The following NOC3L variants were observed in gnomAD, a reference collection of about 807,000 sequenced individuals.
The protein encoded by NOC3L is NOC3 like DNA replication regulator, also known as nucleolar complex protein 3 homolog.
Under a neutral mutation model 102.5 loss-of-function variants are expected in NOC3L, and 85 were observed. That is an observed-to-expected ratio of 0.83 (90% CI 0.70 to 0.99). NOC3L has a LOEUF of 0.99. NOC3L is among the 50% of genes least tolerant of loss of function. The pLI is 0.00. For synonymous variants in NOC3L, 303 were observed against 309.4 expected, an observed-to-expected ratio of 0.98 and a Z score of 0.22; for missense variants, 878 against 914.9, an observed-to-expected ratio of 0.96 and a Z score of 0.52.
chr10:94,332,982 T>C (rs921478414), downstream of NOC3L, among the ~76,000 whole-genome samples: 1 of 152,198 alleles, frequency 6.6e-6, no homozygotes, highest in African/African-American at 2.4e-5. Flanking sequence ...CCTTAAAAAA[T>C]GTGACCTCAG....
At position 94,340,268 on chromosome 10, in the gene NOC3L, A is replaced by G. The variant is rs200233741; in HGVS notation, c.1780+8T>C. On this transcript the variant is annotated splice_region_variant and intron_variant, in intron 16 of 20. Transcript: ENST00000371361. ...CATATAAAAGAAACATTATCTAAAC[A>G]TACATACCTGCATGTAATTTGAACA... The G allele has an allele frequency of 1.1e-4, 181 of 1,596,928 alleles. No homozygotes were observed. Among genetic ancestry groups the G allele is most frequent in the Non-Finnish European group, 1.5e-4 (172 of 1,166,636 alleles).
At chr10:94,354,040 T>G (rs1174095115) in intron 6 of NOC3L, among the ~76,000 whole-genome samples, 1 of 152,160 alleles carries the variant, frequency 6.6e-6, no homozygotes, top group Non-Finnish European at 1.5e-5. Context: ...TTTCCAGCTG[T>G]AAAATTAGAT....
intron 19 of NOC3L, among the ~76,000 whole-genome samples, chr10:94,337,496 CACTATGCCATTCT>C (rs1204080694): frequency 6.6e-6 from 1 of 152,108 alleles, no homozygotes; most frequent in African/African-American, 2.4e-5. Context: ...TATGGACATT[CACTATGCCATTCT>C]ACTATCCTGT....
the NOC3L span, among the ~76,000 whole-genome samples, chr10:94,320,161 G>A: frequency 6.6e-6 from 1 of 151,860 alleles, no homozygotes; most frequent in African/African-American, 2.4e-5. Context: ...AATATATGAT[G>A]ATCAGTGCAA....
At chr10:94,356,724 T>G in intron 4 of NOC3L, 133 bp from the exon 5 acceptor site, 1 of 636,710 alleles carries the variant, frequency 1.6e-6, no homozygotes, top group South Asian at 2.0e-5. Flanking sequence ...AATTAGTGAT[T>G]GAGGTGAGCA....
At chr10:94,316,134 A>C in the NOC3L span, among the ~76,000 whole-genome samples, 127 of 152,314 alleles carry the variant, frequency 8.3e-4, no homozygotes, top group Non-Finnish European at 1.4e-3. Context: ...CTAGCCCTAC[A>C]AACCTTCCAT....
At chr10:94,322,135 G>A in the NOC3L span, 1 of 1,373,068 alleles carries the variant, frequency 7.3e-7, no homozygotes, top group Non-Finnish European at 1.0e-6. Context: ...TGCACTGATG[G>A]CTCATTTTAT....
Position 94,357,332 on chromosome 10 carries a change from CTGCAGGGG to C in NOC3L, c.351-9_351-2del. On this transcript the variant is annotated splice_acceptor_variant and splice_polypyrimidine_tract_variant and intron_variant, in intron 3 of 20. Coordinates refer to ENST00000371361, the MANE Select transcript of NOC3L (RefSeq NM_022451.11). LOFTEE classifies it high-confidence loss of function. ...CCGTTTCTTCGCATGAACAGGCTCA[CTGCAGGGG>C]AAAAAAAGATCAATTTTCAGTCTTA... 6.4e-7 allele frequency: 1 copy of C among 1,568,514 alleles called. No homozygotes were observed. The highest frequency in any genetic ancestry group is 8.6e-7 in the Non-Finnish European group (1 of 1,160,502).
At chr10:94,324,777 C>T in the NOC3L span, 1 of 1,122,470 alleles carries the variant, frequency 8.9e-7, no homozygotes, top group Non-Finnish European at 1.3e-6. Context: ...GCTCCTCAGC[C>T]CTACTCTCTC....
rs559843588 is a variant in NOC3L at position 94,360,320 on chromosome 10, AAAT to A, written c.217+1342_217+1344del. On this transcript the variant is annotated intron_variant, in intron 2 of 20. Coordinates refer to ENST00000371361, the MANE Select transcript of NOC3L (RefSeq NM_022451.11). The stretch of plus-strand genomic sequence containing the variant: ...ACAGAGAGAGACTCCATCTCAAAAA[AAAT>A]AATAATAATAATAATAAAAGAAAAT... 3.0e-4 allele frequency among the ~76,000 whole-genome samples: 45 copies of A among 152,096 alleles called. 1 individual carries two copies. In the South Asian group the frequency reaches 3.5e-3, roughly 12 times the overall value.
At chr10:94,349,143 G>C (rs2054383813) in intron 10 of NOC3L, 107 bp downstream of exon 10, 1 of 1,235,688 alleles carries the variant, frequency 8.1e-7, no homozygotes, top group Non-Finnish European at 1.1e-6. Context: ...TAAGGAGCTT[G>C]AATACTTTTT....
At position 94,349,320 on chromosome 10, in the gene NOC3L, T is replaced by C. The variant is rs1205844661; in HGVS notation, c.1187A>G (p.Gln396Arg). ...KKLFKQDKLG[Q>R]ASLGVIKVIS... ...CACTTTAATTACACCAAGAGAAGCTTGGCCTAATTTATCTTGCTTAAAGAG... is the reference window on the plus strand; with the variant it reads ...CACTTTAATTACACCAAGAGAAGCTCGGCCTAATTTATCTTGCTTAAAGAG... The change falls in exon 10 of 21, where the codon CAA becomes CGA. Residue 396 changes from glutamine to arginine, a missense_variant. By Grantham distance (43) the Gln-to-Arg change is conservative. Transcript: ENST00000371361. The C allele has an allele frequency of 1.3e-6, 2 of 1,576,512 alleles. No individual in the cohort carries two copies. Among genetic ancestry groups the C allele is most frequent in the Non-Finnish European group, 8.6e-7 (1 of 1,168,440 alleles).
Position 94,361,770 on chromosome 10 carries a change from T to C in NOC3L, c.112A>G (p.Thr38Ala). Reference sequence around the variant, plus strand: ...TGTTCTTTTCGGTACTTCTTGAGAGTGCTTTGTTGTTTAAACTGCTTATTT... The same window carrying C: ...TGTTCTTTTCGGTACTTCTTGAGAGCGCTTTGTTGTTTAAACTGCTTATTT... Reference protein sequence around the residue: ...LKNKQFKQQSTLKKYRKEQRK... With the variant: ...LKNKQFKQQSALKKYRKEQRK... The change falls in exon 2 of 21, where the codon ACT becomes GCT. Residue 38 changes from threonine (T) to alanine (A), a missense_variant. Transcript: ENST00000371361. 1 of 1,614,026 alleles carries C rather than the reference T, an allele frequency of 6.2e-7. No individual in the cohort carries two copies. The highest frequency in any genetic ancestry group is 1.1e-5 in the South Asian group (1 of 91,080).
Position 94,333,853 on chromosome 10 carries a change from A to T in NOC3L, c.*324T>A, listed in dbSNP as rs2054186791. 5.9e-6 allele frequency: 1 copy of T among 170,718 alleles called. No individual in the cohort carries two copies. The highest frequency in any genetic ancestry group is 1.2e-5 in the Non-Finnish European group (1 of 80,948). The allele number at this position is 170,718 out of a possible 1,614,324, so 10.6% of individuals were successfully genotyped here. ...GTGCTCTATGCCCTAATTTTAATAT[A>T]GCAACTGCACTTCAGTAAGATCCAG... On this transcript the variant is annotated 3_prime_UTR_variant, in exon 21 of 21. Coordinates refer to ENST00000371361, the MANE Select transcript of NOC3L (RefSeq NM_022451.11).
the NOC3L span, chr10:94,324,443 AC>A: frequency 1.2e-6 from 2 of 1,614,170 alleles, no homozygotes; most frequent in Non-Finnish European, 1.7e-6. Context: ...GACACTACCA[AC>A]AAGAAGACTA....
In NOC3L at chr10:94,339,936, T is replaced by G. The variant is rs773057504; in HGVS notation, c.1781-16A>C. On this transcript the variant is annotated splice_polypyrimidine_tract_variant and intron_variant, in intron 16 of 20. Transcript: ENST00000371361. ...TTGGTAGCACCTAAAACAGCAGACATATTCTTCAGAGCTGTTCTCATTACT... is the reference window on the plus strand; with the variant it reads ...TTGGTAGCACCTAAAACAGCAGACAGATTCTTCAGAGCTGTTCTCATTACT... The G allele has an allele frequency of 6.2e-7, 1 of 1,605,950 alleles. No homozygotes were observed.
intron 4 of NOC3L, among the ~76,000 whole-genome samples, chr10:94,356,854 TTTTA>T (rs775764760): frequency 1.3e-5 from 2 of 152,186 alleles, no homozygotes; most frequent in Non-Finnish European, 2.9e-5. Context: ...AACTTTTCTG[TTTTA>T]TTTCACATAC....
At position 94,355,044 on chromosome 10, in the gene NOC3L, A is replaced by G; in HGVS notation, c.615T>C (p.Ile205=). ...TCTCCTGTAATTTCTTCTTTCTCTC[A>G]ATCAAATGTTCTTCTATGGTCAGCT... is the stretch of plus-strand genomic sequence containing the variant. The part of the protein sequence containing the change: ...IQELTIEEHL[I]ERKKKLQEKK... Residue 205 remains isoleucine (I), a synonymous_variant, in exon 6 of 21, where the codon ATT becomes ATC. Coordinates refer to ENST00000371361, the MANE Select transcript of NOC3L (RefSeq NM_022451.11). 1 of 1,612,754 alleles carries G rather than the reference A, an allele frequency of 6.2e-7. No homozygotes were observed. The highest frequency in any genetic ancestry group is 8.5e-7 in the Non-Finnish European group (1 of 1,179,338).
chr10:94,326,765 A>G, the NOC3L span, among the ~76,000 whole-genome samples: 3 of 152,186 alleles, frequency 2.0e-5, no homozygotes, highest in Non-Finnish European at 4.4e-5. Context: ...GCAAGTAGAT[A>G]TTTATTTTTT....
Sources: allele counts gnomAD v4.1 joint callset (sites outside exome capture counted in the v4.1 genomes callset), GRCh38; gene constraint gnomAD v4.1.1; transcripts MANE v1.5; gene names NCBI Gene and HGNC (gene_info 2026-07-23, HGNC 2026-07-21).